CACNA1B: variants seen among roughly 807,000 people sequenced by gnomAD.
The protein encoded by CACNA1B is voltage-dependent N-type calcium channel subunit alpha-1B.
A neutral mutation model predicts 247.2 loss-of-function variants in CACNA1B; 70 were observed. The observed-to-expected ratio is 0.28, with a 90% CI of 0.23 to 0.35. The LOEUF (loss-of-function observed/expected upper bound fraction) is 0.35, where lower values mean the gene tolerates loss of function less well. CACNA1B is among the 10% of genes least tolerant of loss of function. The pLI is 1.00. For missense variants in CACNA1B, 2,367 were observed against 3,197.4 expected (o/e 0.74, Z 6.26); for synonymous variants, 1,231 against 1,294.4 (o/e 0.95, Z 1.05).
intron 22 of CACNA1B, 66 bp from the exon 23 acceptor site, chr9:138,047,333 C>T (rs1331005274): frequency 9.7e-6 from 12 of 1,241,614 alleles, no homozygotes; most frequent in Non-Finnish European, 1.2e-5. Flanking sequence ...AAACTCGGAG[C>T]CACCGAGGGC....
At chr9:137,938,223 T>G (rs936001350) in intron 6 of CACNA1B, among the ~76,000 whole-genome samples, 5 of 152,236 alleles carry the variant, frequency 3.3e-5, no homozygotes, top group Non-Finnish European at 7.4e-5. Flanking sequence ...GAGAATTCGC[T>G]ACTACCAAGC....
chr9:138,102,701 G>A lies in CACNA1B; in HGVS notation c.5223-10G>A, dbSNP rs760790237. 2 of 1,587,000 alleles carry A rather than the reference G, an allele frequency of 1.3e-6. No homozygotes were observed. The highest frequency in any genetic ancestry group is 1.7e-5 in the Admixed American group (1 of 59,278). On this transcript the variant is annotated splice_polypyrimidine_tract_variant and intron_variant, in intron 37 of 46. Coordinates refer to ENST00000371372, the MANE Select transcript of CACNA1B (RefSeq NM_000718.4). The surrounding 1 kb of genome is among the most constrained non-coding windows in gnomAD (Gnocchi z 5.4). ...CACTGTGCCCTGGCCTCGCTGGGAC[G>A]GGTTTCCAGTGGGCGCATCAGTTAC... is the stretch of plus-strand genomic sequence containing the variant.
chr9:138,119,830 A>G (rs1236938460), intron 44 of CACNA1B, among the ~76,000 whole-genome samples: 1 of 152,156 alleles, frequency 6.6e-6, no homozygotes, highest in Non-Finnish European at 1.5e-5. Context: ...CCGTGGAAGC[A>G]GCTCGGGAGC....
intron 12 of CACNA1B, among the ~76,000 whole-genome samples, chr9:137,979,755 G>A (rs371236337): frequency 3.5e-4 from 54 of 152,246 alleles, no homozygotes; most frequent in African/African-American, 1.3e-3. Flanking sequence ...AGGTGTGGGT[G>A]AGACTCCTTC....
chr9:137,945,783 G>A (rs559169984), intron 6 of CACNA1B, among the ~76,000 whole-genome samples: 11 of 152,108 alleles, frequency 7.2e-5, no homozygotes, highest in East Asian at 1.9e-4. Flanking sequence ...GATCATCTAC[G>A]ACATGCTTGG....
At position 138,010,102 on chromosome 9, in the gene CACNA1B, G is replaced by T. The variant is rs373161303; in HGVS notation, c.2160+25G>T. On this transcript the variant is annotated intron_variant, in intron 17 of 46. Transcript: ENST00000371372. This position sits in a 1 kb window ranked among gnomAD's most constrained non-coding sequence, Gnocchi z 5.3. ...GGTAGGTGGCGACAGGGAGGGACCG[G>T]TGTCAGCCCATGTCACTTGAATGTG... is the stretch of plus-strand genomic sequence containing the variant. 5.0e-6 allele frequency: 8 copies of T among 1,593,310 alleles called. No homozygotes were observed. Among genetic ancestry groups the T allele is most frequent in the Non-Finnish European group, 6.9e-6 (8 of 1,161,230 alleles).
At chr9:137,905,657 A>G (rs955214842) in intron 3 of CACNA1B, among the ~76,000 whole-genome samples, 65 of 152,366 alleles carry the variant, frequency 4.3e-4, no homozygotes, top group African/African-American at 1.5e-3. Flanking sequence ...AATCAGTTCC[A>G]TTGTATATTT....
At chr9:137,894,705 G>A (rs1257499570) in intron 3 of CACNA1B, among the ~76,000 whole-genome samples, 1 of 152,128 alleles carries the variant, frequency 6.6e-6, no homozygotes, top group Non-Finnish European at 1.5e-5. Context: ...ACCGTGCCTG[G>A]CCCTACATAT....
intron 6 of CACNA1B, among the ~76,000 whole-genome samples, chr9:137,936,939 C>T (rs1957675472): frequency 6.6e-6 from 1 of 152,164 alleles, no homozygotes; most frequent in Non-Finnish European, 1.5e-5. Context: ...GTTCTTTTTG[C>T]TTATGATTGC....
chr9:138,054,257 A>G lies in CACNA1B; in HGVS notation c.3968+251A>G, dbSNP rs1462850105. On this transcript the variant is annotated intron_variant, in intron 26 of 46. Coordinates refer to ENST00000371372, the MANE Select transcript of CACNA1B (RefSeq NM_000718.4). The surrounding 1 kb of genome is among the most constrained non-coding windows in gnomAD (Gnocchi z 4.6). The stretch of plus-strand genomic sequence containing the variant: ...CACTTCCTCCTCAGCAGAGTCAGGA[A>G]CCAGGCATGTTCTGAGGGACACAGA... Among the ~76,000 whole-genome samples the G allele has an allele frequency of 1.3e-5, 2 of 152,170 alleles. No individual in the cohort carries two copies. Among genetic ancestry groups the G allele is most frequent in the African/African-American group, 4.8e-5 (2 of 41,438 alleles).
At position 138,002,544 on chromosome 9, in the gene CACNA1B, CAAA is replaced by C. The variant is rs554684903; in HGVS notation, c.1975-4205_1975-4203del. 4.8e-3 allele frequency among the ~76,000 whole-genome samples: 470 copies of C among 97,062 alleles called. 6 individuals are homozygous for C. The highest frequency in any genetic ancestry group is 0.014 in the African/African-American group (409 of 29,860). 63.7% of individuals were successfully genotyped at this position (97,062 alleles called of 152,430 possible). A position where few individuals can be genotyped will look rare whatever the true frequency, so the allele number is the denominator to read the frequency against. ...GGGCAACATAATGAAAGCCCATATC[CAAA>C]AAAAAAAAAAAAAAAAATAGCTGAT... On this transcript the variant is annotated intron_variant, in intron 15 of 46. Coordinates refer to ENST00000371372, the MANE Select transcript of CACNA1B (RefSeq NM_000718.4).
intron 42 of CACNA1B, among the ~76,000 whole-genome samples, chr9:138,117,289 G>C (rs76791110): frequency 2.3e-4 from 2 of 8,716 alleles, no homozygotes; most frequent in Non-Finnish European, 8.2e-4. Context: ...TGGCTTGGGG[G>C]GGGGGTCAGA....
rs183082194 is a variant in CACNA1B at position 138,002,733 on chromosome 9, T to C, written c.1975-4034T>C. Among the ~76,000 whole-genome samples, 12 of 152,118 alleles carry C rather than the reference T, an allele frequency of 7.9e-5. No individual in the cohort carries two copies. In the East Asian group the frequency reaches 1.4e-3, roughly 17 times the overall value. ...AAAAGAAAGAAAAAAATATATATTA[T>C]GAAAATATCTTTATGATCTTGGATG... On this transcript the variant is annotated intron_variant, in intron 15 of 46. Transcript: ENST00000371372.
chr9:137,992,490 G>A (rs376641767), intron 15 of CACNA1B, among the ~76,000 whole-genome samples: 2 of 152,086 alleles, frequency 1.3e-5, no homozygotes, highest in East Asian at 1.9e-4. Context: ...CAGTAATAGC[G>A]GGGGACTTTG....
intron 20 of CACNA1B, among the ~76,000 whole-genome samples, chr9:138,042,587 G>C (rs1325375199): frequency 6.6e-6 from 1 of 152,210 alleles, no homozygotes; most frequent in African/African-American, 2.4e-5. Flanking sequence ...AGTTTTGCCA[G>C]ATTGCTTTCT....
At chr9:138,092,516 C>G (rs1490313464) in intron 36 of CACNA1B, among the ~76,000 whole-genome samples, 1 of 152,182 alleles carries the variant, frequency 6.6e-6, no homozygotes, top group African/African-American at 2.4e-5. Context: ...TTATCCTGTT[C>G]TTTTTTAGGA....
intron 6 of CACNA1B, among the ~76,000 whole-genome samples, chr9:137,938,655 C>CA (rs1206898424): frequency 6.6e-6 from 1 of 152,106 alleles, no homozygotes; most frequent in Non-Finnish European, 1.5e-5. Flanking sequence ...TTAAAAAAGA[C>CA]AAAGAGGGAC....
chr9:137,977,195 G>A (rs879723320), intron 12 of CACNA1B, among the ~76,000 whole-genome samples: 59 of 3,310 alleles, frequency 0.018, no homozygotes, highest in Admixed American at 8.1e-3. Flanking sequence ...TTATGTAGGT[G>A]GGGAGGCCTT....
At chr9:137,976,430 G>A (rs1045251672) in intron 12 of CACNA1B, among the ~76,000 whole-genome samples, 8 of 152,374 alleles carry the variant, frequency 5.3e-5, no homozygotes, top group Non-Finnish European at 8.8e-5. Flanking sequence ...GTTGGGGCAC[G>A]ATAGGCCATG....
Sources: gnomAD v4.1 joint callset for allele counts (sites outside exome capture counted in the v4.1 genomes callset) on GRCh38, gnomAD v4.1.1 for gene constraint, Gnocchi (gnomAD v3.1) non-coding constraint, MANE v1.5 for transcripts, NCBI Gene and HGNC (gene_info 2026-07-23, HGNC 2026-07-21) for gene names.